The following OCRL variants were observed in gnomAD, a reference collection of about 807,000 sequenced individuals.
The protein encoded by OCRL is inositol polyphosphate 5-phosphatase OCRL.
Under a neutral mutation model 78.9 loss-of-function variants are expected in OCRL, and 8 were observed. That is an observed-to-expected ratio of 0.10 (90% CI 0.06 to 0.18). The LOEUF is 0.18. OCRL is among the 10% of genes least tolerant of loss of function. The pLI is 1.00. For synonymous variants in OCRL, 240 were observed against 235.4 expected (o/e 1.02, Z -0.18); for missense variants, 454 against 696.7 (o/e 0.65, Z 3.92).
chrX:129,569,292 G>T lies in OCRL; in HGVS notation c.1495G>T (p.Asp499Tyr). The T allele has an allele frequency of 8.3e-7, 1 of 1,211,468 alleles. No individual in the cohort carries two copies. Among genetic ancestry groups the T allele is most frequent in the South Asian group, 1.8e-5 (1 of 56,947 alleles). The change falls in exon 15 of 24, where the codon GAC becomes TAC. Residue 499 changes from aspartate to tyrosine, a missense_variant. Physicochemically the swap from Asp to Tyr is radical, Grantham distance 160. Around this residue, in one of 2 missense-constraint regions of OCRL, gnomAD observed 277 missense variants for 517.1 expected, o/e 0.54. Transcript: ENST00000371113. ...GAAATGCCGGGTTCCAGCCTGGTGT[G>T]ACCGAATTCTTTGGAGAGGAACAAA... is the stretch of plus-strand genomic sequence containing the variant. ...SGKCRVPAWC[D>Y]RILWRGTNVN...
intron 12 of OCRL, among the ~76,000 whole-genome samples, chrX:129,565,494 A>G (rs1204322409): frequency 8.9e-6 from 1 of 112,176 alleles, no homozygotes; most frequent in Non-Finnish European, 1.9e-5. Context: ...CATGCTTCTC[A>G]GTCCATTAAC....
rs778975701 is a variant in OCRL, at chrX:129,560,742, A to G, written c.824+91A>G. ...CTTTTTTAAAAAAGACTGTTGGTAA[A>G]ACCTACTGTAGACTATACACGAGAG... On this transcript the variant is annotated intron_variant, in intron 9 of 23. Coordinates refer to ENST00000371113, the MANE Select transcript of OCRL (RefSeq NM_000276.4). 11 of 588,322 alleles carry G rather than the reference A, an allele frequency of 1.9e-5. No individual in the cohort carries two copies. In the South Asian group the frequency reaches 2.6e-4, roughly 14 times the overall value. 48.5% of individuals were successfully genotyped at this position (588,322 alleles called of 1,213,427 possible).
chrX:129,565,944 T>C lies in OCRL; in HGVS notation c.1356+61T>C, dbSNP rs1602789989. On this transcript the variant is annotated intron_variant, in intron 13 of 23. Coordinates refer to ENST00000371113, the MANE Select transcript of OCRL (RefSeq NM_000276.4). ...ATGGGAGATGAGATTGTTAGAGTTA[T>C]GGGAGGTATATCTTACTCTAGGGAG... 8 of 791,121 alleles carry C rather than the reference T, an allele frequency of 1.0e-5. No homozygotes were observed. The East Asian group carries it at 2.2e-4, about 22-fold the overall frequency. 65.2% of individuals were successfully genotyped at this position (791,121 alleles called of 1,213,427 possible).
intron 3 of OCRL, 94 bp downstream of exon 3, chrX:129,545,131 A>G: frequency 7.5e-6 from 4 of 530,199 alleles, no homozygotes; most frequent in Middle Eastern, 5.2e-4. Context: ...TTGTCAGTGC[A>G]TGTAAAATGA....
At chrX:129,548,447 T>C in intron 3 of OCRL, 116 bp from the exon 4 acceptor site, 1 of 598,427 alleles carries the variant, frequency 1.7e-6, no homozygotes, top group Non-Finnish European at 2.9e-6. Context: ...AAATATGTTC[T>C]AAGACCTAGG....
At chrX:129,555,725 C>A (rs926843726) in intron 4 of OCRL, among the ~76,000 whole-genome samples, 3 of 112,109 alleles carry the variant, frequency 2.7e-5, no homozygotes, top group Non-Finnish European at 5.6e-5. Flanking sequence ...TTTCTGGAAT[C>A]TTCTGGCCCA....
chrX:129,540,448 G>C lies in OCRL; in HGVS notation c.9G>C (p.Pro3=). Residue 3 remains proline, a synonymous_variant, in exon 1 of 24, where the codon CCG becomes CCC. Transcript: ENST00000371113. ME[P]PLPVGAQPLA... ...GCCCGGAGGCCGCCTGGATGGAGCCGCCGCTCCCGGTCGGAGCCCAGCCGC... is the reference window on the plus strand; with the variant it reads ...GCCCGGAGGCCGCCTGGATGGAGCCCCCGCTCCCGGTCGGAGCCCAGCCGC... 8.7e-7 allele frequency: 1 copy of C among 1,153,624 alleles called. No homozygotes were observed. The highest frequency in any genetic ancestry group is 1.1e-6 in the Non-Finnish European group (1 of 870,449).
intron 20 of OCRL, among the ~76,000 whole-genome samples, chrX:129,587,843 TG>T (rs1309962958): frequency 9.2e-6 from 1 of 109,158 alleles, no homozygotes; most frequent in East Asian, 2.9e-4. Flanking sequence ...GAGACCAGCC[TG>T]GGCAACACGG....
chrX:129,569,387 C>G lies in OCRL; in HGVS notation c.1590C>G (p.Leu530=), dbSNP rs1048818641. The part of the protein sequence containing the change: ...KTSDHKPVSA[L]FHIGVKVVDE... The stretch of plus-strand genomic sequence containing the variant: ...GCGACCACAAGCCTGTTAGCGCCCT[C>G]TTCCATATTGGGGTAAACACTTGTT... Residue 530 remains leucine, a synonymous_variant, in exon 15 of 24, where the codon CTC becomes CTG. Transcript: ENST00000371113. The G allele has an allele frequency of 8.3e-7, 1 of 1,210,736 alleles. No homozygotes were observed. The highest frequency in any genetic ancestry group is 1.8e-5 in the South Asian group (1 of 56,985).
chrX:129,582,603 C>G (rs187746345), intron 18 of OCRL, among the ~76,000 whole-genome samples: 1 of 112,109 alleles, frequency 8.9e-6, no homozygotes. Flanking sequence ...AGGTTCTAGT[C>G]TAAAATTGTA....
At chrX:129,558,024 G>T in intron 6 of OCRL, 74 bp downstream of exon 6, 1 of 660,244 alleles carries the variant, frequency 1.5e-6, no homozygotes. Context: ...GCCAAATATG[G>T]TGATGTAGAT....
intron 2 of OCRL, 81 bp downstream of exon 2, chrX:129,540,904 T>C: frequency 1.2e-6 from 1 of 819,073 alleles, no homozygotes. Context: ...TCACCCACTG[T>C]CCTCCTACTG....
At position 129,574,098 on chromosome X, in the gene OCRL, T is replaced by G. The variant is rs1936337832; in HGVS notation, c.1603-1042T>G. Among the ~76,000 whole-genome samples, 4 of 111,281 alleles carry G rather than the reference T, an allele frequency of 3.6e-5. No individual in the cohort carries two copies. In the Admixed American group the frequency reaches 3.9e-4, roughly 11 times the overall value. On this transcript the variant is annotated intron_variant, in intron 15 of 23. Coordinates refer to ENST00000371113, the MANE Select transcript of OCRL (RefSeq NM_000276.4). Reference sequence around the variant, plus strand: ...AATGGTATTTCTGGTTCTAGATCCTTGAGGAATCGCCACACTGTCTTGCAC... The same window carrying G: ...AATGGTATTTCTGGTTCTAGATCCTGGAGGAATCGCCACACTGTCTTGCAC...
At chrX:129,585,381 T>TTAA (rs1391325409) in intron 19 of OCRL, among the ~76,000 whole-genome samples, 2 of 112,432 alleles carry the variant, frequency 1.8e-5, no homozygotes, top group Admixed American at 9.4e-5. Flanking sequence ...TTGTGTTGCC[T>TTAA]TAATGCCTTA....
intron 15 of OCRL, among the ~76,000 whole-genome samples, chrX:129,571,554 G>A (rs1433292848): frequency 9.2e-6 from 1 of 108,533 alleles, no homozygotes; most frequent in Non-Finnish European, 1.9e-5. Context: ...GGATGATCTC[G>A]ATCTCCTGAC....
chrX:129,550,797 C>T (rs1935948977), intron 4 of OCRL, among the ~76,000 whole-genome samples: 1 of 111,354 alleles, frequency 9.0e-6, no homozygotes, highest in African/African-American at 3.3e-5. Flanking sequence ...CTAGTAGCTA[C>T]TATCGTTGTA....
chrX:129,551,724 G>A (rs1325021774), intron 4 of OCRL, among the ~76,000 whole-genome samples: 4 of 112,683 alleles, frequency 3.5e-5, no homozygotes, highest in Non-Finnish European at 5.6e-5. Flanking sequence ...GTGAGCCACC[G>A]TGCCTGGCCC....
At chrX:129,564,670 A>G (rs997827958) in intron 12 of OCRL, among the ~76,000 whole-genome samples, 4 of 108,897 alleles carry the variant, frequency 3.7e-5, no homozygotes, top group Non-Finnish European at 7.6e-5. Flanking sequence ...GAATTGAACA[A>G]TGAGAACACA....
At chrX:129,544,667 T>C (rs1157298377) in intron 2 of OCRL, among the ~76,000 whole-genome samples, 2 of 111,839 alleles carry the variant, frequency 1.8e-5, no homozygotes, top group Non-Finnish European at 3.8e-5. Context: ...AGTTCTTCAC[T>C]CTGGTATGCA....
Sources: gnomAD v4.1 joint callset for allele counts (sites outside exome capture counted in the v4.1 genomes callset) on GRCh38, gnomAD v4.1.1 for gene constraint, gnomAD v4.1.1 regional missense constraint, MANE v1.5 for transcripts, NCBI Gene and HGNC (gene_info 2026-07-23, HGNC 2026-07-21) for gene names.